Variants in AGTPBP1 observed in about 807,000 individuals in gnomAD.
AGTPBP1 encodes the protein ATP/GTP binding carboxypeptidase 1, also known as cytosolic carboxypeptidase 1.
AGTPBP1 carries 70 observed loss-of-function variants against 143.9 expected under a neutral mutation model. The observed-to-expected ratio is 0.49, with a 90% CI of 0.40 to 0.59. The LOEUF (loss-of-function observed/expected upper bound fraction) is 0.59, where lower values mean the gene tolerates loss of function less well. Among genes scored for constraint, AGTPBP1 ranks in the 20% least tolerant of loss-of-function variants. The probability of loss-of-function intolerance (pLI) is 0.00; values close to 1 mark genes in which losing one functional copy is unlikely to be tolerated. For synonymous variants in AGTPBP1, 463 were observed against 500.2 expected, an observed-to-expected ratio of 0.93 and a Z score of 0.99; for missense variants, 1,229 against 1,464.5, an observed-to-expected ratio of 0.84 and a Z score of 2.62.
upstream of AGTPBP1, chr9:85,742,159 C>T (rs1006784297): frequency 2.4e-5 from 13 of 547,468 alleles, no homozygotes; most frequent in Non-Finnish European, 3.2e-5. Flanking sequence ...GGAGGGAGCG[C>T]GCGCGTGGGG....
intron 25 of AGTPBP1, among the ~76,000 whole-genome samples, chr9:85,552,341 T>C (rs1041044149): frequency 3.3e-5 from 5 of 152,208 alleles, no homozygotes; most frequent in Non-Finnish European, 7.3e-5. Context: ...CACATTAAGC[T>C]ATTAAGTGTA....
the AGTPBP1 span, chr9:85,786,486 T>C: frequency 6.2e-7 from 1 of 1,613,874 alleles, no homozygotes; most frequent in Non-Finnish European, 8.5e-7. Flanking sequence ...GCCTTGGAAC[T>C]ATCATTGCGA....
the AGTPBP1 span, among the ~76,000 whole-genome samples, chr9:85,784,229 C>A: frequency 6.6e-6 from 1 of 152,120 alleles, no homozygotes; most frequent in African/African-American, 2.4e-5. Context: ...AGTTGTTTGA[C>A]CTTGGGCAAA....
the AGTPBP1 span, chr9:85,786,395 A>G: frequency 1.9e-6 from 3 of 1,613,958 alleles, no homozygotes; most frequent in East Asian, 4.5e-5. Context: ...GTCATCCCAA[A>G]TTCAGGTTGT....
chr9:85,587,952 TA>T (rs553881082), intron 21 of AGTPBP1, among the ~76,000 whole-genome samples: 1,738 of 148,626 alleles, frequency 0.012, 21 homozygotes, highest in South Asian at 0.023. Context: ...ATGCCACTAA[TA>T]AAAAAAAAAT....
At chr9:85,567,637 A>C (rs1827197562) in intron 25 of AGTPBP1, among the ~76,000 whole-genome samples, 1 of 152,196 alleles carries the variant, frequency 6.6e-6, no homozygotes, top group South Asian at 2.1e-4. Flanking sequence ...GAAACAAAAA[A>C]GAGCAAATTA....
At chr9:85,551,955 T>A (rs889409019) in intron 25 of AGTPBP1, among the ~76,000 whole-genome samples, 1 of 152,242 alleles carries the variant, frequency 6.6e-6, no homozygotes, top group African/African-American at 2.4e-5. Flanking sequence ...AACGCCACTG[T>A]TTCCTTGCTT....
intron 6 of AGTPBP1, among the ~76,000 whole-genome samples, chr9:85,675,949 C>T (rs957025065): frequency 1.3e-5 from 2 of 152,104 alleles, no homozygotes; most frequent in African/African-American, 4.8e-5. Flanking sequence ...CACTTGAAAC[C>T]AGGAGGCAGA....
chr9:85,605,694 G>A (rs1338137900), intron 17 of AGTPBP1, among the ~76,000 whole-genome samples: 1 of 151,870 alleles, frequency 6.6e-6, no homozygotes, highest in Non-Finnish European at 1.5e-5. Context: ...ACTTTTCAAG[G>A]CATAGAATAA....
chr9:85,663,042 C>A (rs1833933960), intron 8 of AGTPBP1, among the ~76,000 whole-genome samples: 1 of 152,128 alleles, frequency 6.6e-6, no homozygotes, highest in Non-Finnish European at 1.5e-5. Context: ...GGAGACAGAA[C>A]CTAGGTGGAG....
intron 8 of AGTPBP1, among the ~76,000 whole-genome samples, chr9:85,665,744 A>C (rs1834091776): frequency 6.6e-6 from 1 of 152,168 alleles, no homozygotes; most frequent in South Asian, 2.1e-4. Context: ...AACACTGGAA[A>C]GCTGGGATAT....
chr9:85,745,812 A>G (rs531109739), upstream of AGTPBP1, among the ~76,000 whole-genome samples: 7 of 152,362 alleles, frequency 4.6e-5, no homozygotes, highest in South Asian at 2.1e-4. Context: ...GAAATCACTT[A>G]GGCAGACAGT....
chr9:85,728,850 C>T (rs1409409423), intron 1 of AGTPBP1, among the ~76,000 whole-genome samples: 2 of 150,946 alleles, frequency 1.3e-5, no homozygotes, highest in Non-Finnish European at 2.9e-5. Context: ...TTAGTATTAC[C>T]TTGGCTTATG....
intron 17 of AGTPBP1, among the ~76,000 whole-genome samples, chr9:85,602,121 C>G (rs1282700222): frequency 6.6e-6 from 1 of 151,942 alleles, no homozygotes; most frequent in Non-Finnish European, 1.5e-5. Flanking sequence ...CCAAAGCAAC[C>G]AATAATTCTC....
intron 17 of AGTPBP1, among the ~76,000 whole-genome samples, chr9:85,610,320 G>C (rs1830240917): frequency 6.6e-6 from 1 of 152,034 alleles, no homozygotes; most frequent in Non-Finnish European, 1.5e-5. Context: ...GTAAGAGGGG[G>C]TGATGGATTG....
chr9:85,749,507 C>G, the AGTPBP1 span, among the ~76,000 whole-genome samples: 1 of 152,174 alleles, frequency 6.6e-6, no homozygotes, highest in Non-Finnish European at 1.5e-5. Context: ...TCCTGTCTGT[C>G]TCTTTTCTAC....
chr9:85,741,975 C>T (rs984794701), upstream of AGTPBP1: 11 of 1,231,126 alleles, frequency 8.9e-6, no homozygotes, highest in Non-Finnish European at 9.1e-6. Flanking sequence ...CGGGCAACGT[C>T]AGCGCGGCGC....
At chr9:85,756,268 C>A in the AGTPBP1 span, 5 of 1,548,974 alleles carry the variant, frequency 3.2e-6, no homozygotes, top group Admixed American at 8.4e-5. Flanking sequence ...GTTTAATACA[C>A]TACTTGATTC....
intron 14 of AGTPBP1, among the ~76,000 whole-genome samples, chr9:85,630,170 C>T (rs908359661): frequency 1.3e-5 from 2 of 152,216 alleles, no homozygotes; most frequent in African/African-American, 4.8e-5. Context: ...CTGCCTGACT[C>T]TGACTCACTC....
Sources: allele counts gnomAD v4.1 joint callset (sites outside exome capture counted in the v4.1 genomes callset), GRCh38; gene constraint gnomAD v4.1.1; transcripts MANE v1.5; gene names NCBI Gene and HGNC (gene_info 2026-07-23, HGNC 2026-07-21).